The following TENM3 variants were observed in gnomAD, a reference collection of about 807,000 sequenced individuals.
The protein encoded by TENM3 is teneurin-3.
A neutral mutation model predicts 255.1 loss-of-function variants in TENM3; 63 were observed. That is an observed-to-expected ratio of 0.25 (90% CI 0.20 to 0.30). TENM3 has a LOEUF of 0.30. Among genes scored for constraint, TENM3 ranks in the 10% least tolerant of loss-of-function variants. TENM3 has a pLI of 1.00. For missense variants in TENM3, 2,929 were observed against 3,461.1 expected (o/e 0.85, Z 3.86); for synonymous variants, 1,306 against 1,322.3 (o/e 0.99, Z 0.27).
chr4:182,018,290 C>A, the TENM3 span, among the ~76,000 whole-genome samples: 1 of 152,150 alleles, frequency 6.6e-6, no homozygotes, highest in Admixed American at 6.5e-5. Flanking sequence ...CCCTGATTAG[C>A]CAATGCTGCA....
At chr4:182,166,175 C>T (rs1229805210) in intron 1 of TENM3, among the ~76,000 whole-genome samples, 1 of 152,314 alleles carries the variant, frequency 6.6e-6, no homozygotes, top group East Asian at 1.9e-4. Context: ...GTGGCTGTTT[C>T]GTAAAGATAC....
intron 1 of TENM3, among the ~76,000 whole-genome samples, chr4:182,182,692 T>C (rs1028528684): frequency 1.3e-5 from 2 of 152,226 alleles, no homozygotes; most frequent in Non-Finnish European, 2.9e-5. Flanking sequence ...GTTTAACTGT[T>C]GTGTGTTCTT....
chr4:182,696,301 C>T (rs144007785), intron 12 of TENM3, among the ~76,000 whole-genome samples: 1 of 152,154 alleles, frequency 6.6e-6, no homozygotes, highest in Non-Finnish European at 1.5e-5. Flanking sequence ...AATATAGACT[C>T]AATTATCTCT....
the TENM3 span, among the ~76,000 whole-genome samples, chr4:181,637,304 C>A: frequency 0.01 from 1,578 of 152,362 alleles, 31 homozygotes; most frequent in African/African-American, 0.036. Context: ...GAGCAACTTT[C>A]CTCCATGTGG....
chr4:181,946,950 G>T, the TENM3 span, among the ~76,000 whole-genome samples: 1 of 152,120 alleles, frequency 6.6e-6, no homozygotes, highest in African/African-American at 2.4e-5. Flanking sequence ...AAGCACTATG[G>T]TTACATCAGA....
At chr4:182,270,499 C>T (rs889460842) in intron 1 of TENM3, among the ~76,000 whole-genome samples, 2 of 152,136 alleles carry the variant, frequency 1.3e-5, no homozygotes, top group African/African-American at 4.8e-5. Flanking sequence ...GGCTAAACTC[C>T]AAAGGAGAAG....
At chr4:182,017,938 T>C in the TENM3 span, among the ~76,000 whole-genome samples, 1 of 152,202 alleles carries the variant, frequency 6.6e-6, no homozygotes, top group Non-Finnish European at 1.5e-5. Context: ...TTAAAGCTAC[T>C]GAGCAAGGCA....
the TENM3 span, among the ~76,000 whole-genome samples, chr4:182,043,601 T>A: frequency 6.6e-6 from 1 of 152,166 alleles, no homozygotes; most frequent in African/African-American, 2.4e-5. Flanking sequence ...TATCTCTCTG[T>A]CTAGTTTTAT....
chr4:181,582,614 T>A, the TENM3 span, among the ~76,000 whole-genome samples: 2 of 139,686 alleles, frequency 1.4e-5, no homozygotes, highest in African/African-American at 5.5e-5. Flanking sequence ...GCCACTGCAC[T>A]CCAGCCTGGG....
intron 2 of TENM3, among the ~76,000 whole-genome samples, chr4:182,335,377 C>T (rs1445659987): frequency 6.9e-6 from 1 of 145,492 alleles, no homozygotes; most frequent in Non-Finnish European, 1.5e-5. Context: ...CGCCTGTAGT[C>T]CCAGCTGCTC....
the TENM3 span, among the ~76,000 whole-genome samples, chr4:181,512,133 C>T: frequency 6.6e-6 from 1 of 152,152 alleles, no homozygotes; most frequent in Non-Finnish European, 1.5e-5. Context: ...ATAGGCCAAG[C>T]TCCTGTGCCA....
chr4:182,465,856 A>G (rs1180847756), intron 3 of TENM3, among the ~76,000 whole-genome samples: 3 of 152,204 alleles, frequency 2.0e-5, no homozygotes, highest in Admixed American at 2.0e-4. Flanking sequence ...CATATAAAAT[A>G]AAATGTCTTT....
chr4:182,419,719 A>G (rs1053451919), intron 3 of TENM3, among the ~76,000 whole-genome samples: 2 of 152,138 alleles, frequency 1.3e-5, no homozygotes, highest in Non-Finnish European at 2.9e-5. Flanking sequence ...TGTCCTTTGT[A>G]AGGACATGGA....
Position 182,728,947 on chromosome 4 carries a change from G to C in TENM3, c.2369-18G>C, listed in dbSNP as rs13340295. 1 of 1,605,640 alleles carries C rather than the reference G, an allele frequency of 6.2e-7. No individual in the cohort carries two copies. The highest frequency in any genetic ancestry group is 8.5e-7 in the Non-Finnish European group (1 of 1,173,362). On this transcript the variant is annotated intron_variant, in intron 13 of 27. Transcript: ENST00000511685. ...TCAAAAGGAAAATTCTCTTACTGGG[G>C]AACATTTCTCTCTACAGATGGACTC...
At chr4:182,075,269 G>A in the TENM3 span, among the ~76,000 whole-genome samples, 3 of 141,736 alleles carry the variant, frequency 2.1e-5, no homozygotes, top group Non-Finnish European at 3.0e-5. Flanking sequence ...TGCAGTCTCC[G>A]CTCACTGCAA....
chr4:182,656,459 C>G (rs1426452844), intron 6 of TENM3, among the ~76,000 whole-genome samples: 1 of 152,140 alleles, frequency 6.6e-6, no homozygotes, highest in African/African-American at 2.4e-5. Flanking sequence ...GACGGGAACT[C>G]TATTTACAAG....
intron 3 of TENM3, among the ~76,000 whole-genome samples, chr4:182,473,323 T>C (rs1359252997): frequency 6.6e-6 from 1 of 152,204 alleles, no homozygotes; most frequent in East Asian, 1.9e-4. Context: ...AATACTGTTA[T>C]AATCTGTACA....
intron 13 of TENM3, among the ~76,000 whole-genome samples, chr4:182,719,483 A>G (rs1044684699): frequency 6.6e-6 from 1 of 150,812 alleles, no homozygotes; most frequent in Non-Finnish European, 1.5e-5. Context: ...ATGGTCTCGA[A>G]CTCCTGACCT....
intron 3 of TENM3, among the ~76,000 whole-genome samples, chr4:182,429,997 G>A (rs750529321): frequency 2.0e-5 from 3 of 152,162 alleles, no homozygotes; most frequent in Non-Finnish European, 2.9e-5. Context: ...AGTGTAAGAG[G>A]CAGAATTTGA....
Sources: gnomAD v4.1 joint callset for allele counts (sites outside exome capture counted in the v4.1 genomes callset) on GRCh38, gnomAD v4.1.1 for gene constraint, MANE v1.5 for transcripts, NCBI Gene and HGNC (gene_info 2026-07-23, HGNC 2026-07-21) for gene names.